CLYBL: variants seen among roughly 807,000 people sequenced by gnomAD.
CLYBL encodes citramalyl-CoA lyase, mitochondrial.
A neutral mutation model predicts 38.9 loss-of-function variants in CLYBL; 31 were observed. That is an observed-to-expected ratio of 0.80 (90% CI 0.60 to 1.08). The LOEUF (loss-of-function observed/expected upper bound fraction) is 1.08. CLYBL is among the 50% of genes least tolerant of loss of function. The pLI is 0.00. For missense variants in CLYBL, 434 were observed against 411.6 expected, an observed-to-expected ratio of 1.05 and a Z score of -0.47; for synonymous variants, 171 against 158.6, an observed-to-expected ratio of 1.08 and a Z score of -0.59.
At chr13:99,864,756 G>A (rs750859903) in intron 4 of CLYBL, 62 bp from the exon 5 acceptor site, 93 of 1,121,674 alleles carry the variant, frequency 8.3e-5, no homozygotes, top group South Asian at 1.4e-4. Context: ...GAAATGCACC[G>A]TGCCTCTTCC....
At chr13:99,735,840 G>C (rs1220001628) in intron 1 of CLYBL, among the ~76,000 whole-genome samples, 4 of 151,974 alleles carry the variant, frequency 2.6e-5, no homozygotes, top group Middle Eastern at 3.4e-3. Flanking sequence ...CTTTATCTTA[G>C]CATACTGTAT....
At chr13:99,704,308 T>C (rs928312961) in intron 1 of CLYBL, among the ~76,000 whole-genome samples, 1 of 152,218 alleles carries the variant, frequency 6.6e-6, no homozygotes, top group Non-Finnish European at 1.5e-5. Flanking sequence ...GACCCAGATA[T>C]AGAGATCTTC....
chr13:99,872,512 C>A (rs1161332147), intron 7 of CLYBL, among the ~76,000 whole-genome samples: 1 of 152,184 alleles, frequency 6.6e-6, no homozygotes, highest in African/African-American at 2.4e-5. Flanking sequence ...TACCTGCCCA[C>A]GCATACCCAC....
At chr13:99,795,978 C>T (rs2050014079) in intron 2 of CLYBL, among the ~76,000 whole-genome samples, 1 of 152,116 alleles carries the variant, frequency 6.6e-6, no homozygotes, top group Admixed American at 6.5e-5. Context: ...GTTTCTCTTT[C>T]CTAGAGCTGT....
chr13:99,769,037 G>A (rs2049329419), intron 1 of CLYBL, among the ~76,000 whole-genome samples: 1 of 152,164 alleles, frequency 6.6e-6, no homozygotes. Context: ...AATAACAGTG[G>A]CTCTCAGCCT....
intron 6 of CLYBL, among the ~76,000 whole-genome samples, chr13:99,867,120 CACAA>C (rs1262702034): frequency 6.6e-6 from 1 of 152,176 alleles, no homozygotes; most frequent in Non-Finnish European, 1.5e-5. Flanking sequence ...GGAGTCTACA[CACAA>C]ACATACACAT....
chr13:99,675,223 T>C (rs1847567708), intron 1 of CLYBL, among the ~76,000 whole-genome samples: 1 of 152,218 alleles, frequency 6.6e-6, no homozygotes, highest in African/African-American at 2.4e-5. Context: ...GCTTTAATAT[T>C]GATGCTGCAT....
Position 99,870,951 on chromosome 13 carries a change from T to TC in CLYBL, c.817dup (p.His273ProfsTer3). ...ATATTCTTGTAGGTAAGCAGGTGAT[T>TC]CACCCTAACCAAATTGCCGTGGTCC... is the stretch of plus-strand genomic sequence containing the variant. On this transcript the variant is annotated frameshift_variant, in exon 7 of 9. Coordinates refer to ENST00000339105, the MANE Select transcript of CLYBL (RefSeq NM_206808.5). LOFTEE classifies it high-confidence loss of function. 6.2e-7 allele frequency: 1 copy of TC among 1,609,856 alleles called. No homozygotes were observed. The highest frequency in any genetic ancestry group is 1.1e-5 in the South Asian group (1 of 90,140).
chr13:99,640,512 T>C (rs1296634867), intron 1 of CLYBL, among the ~76,000 whole-genome samples: 2 of 152,234 alleles, frequency 1.3e-5, no homozygotes, highest in African/African-American at 4.8e-5. Flanking sequence ...TTCCCTGTAG[T>C]GTTCTTTTGA....
rs2047259223 is a variant in CLYBL at position 99,651,918 on chromosome 13, C to T, written c.62+45161C>T. 2.2e-5 allele frequency among the ~76,000 whole-genome samples: 3 copies of T among 136,718 alleles called. No homozygotes were observed. In the Admixed American group the frequency reaches 2.2e-4, roughly 10 times the overall value. 89.7% of individuals were successfully genotyped at this position (136,718 alleles called of 152,430 possible). A position where few individuals can be genotyped will look rare whatever the true frequency, so the allele number is the denominator to read the frequency against. ...TTGCACTCCAGCCTGGGCGACAAAG[C>T]AAGACTCCATCTTGGGGGGAAAAAA... On this transcript the variant is annotated intron_variant, in intron 1 of 8. Transcript: ENST00000339105.
At chr13:99,633,047 C>CT (rs1330755917) in intron 1 of CLYBL, among the ~76,000 whole-genome samples, 1 of 151,854 alleles carries the variant, frequency 6.6e-6, no homozygotes, top group Non-Finnish European at 1.5e-5. Context: ...CATGACCAGA[C>CT]TGGCCAACAT....
chr13:99,831,670 G>C (rs1009046765), intron 2 of CLYBL, among the ~76,000 whole-genome samples: 7 of 150,274 alleles, frequency 4.7e-5, no homozygotes, highest in Non-Finnish European at 1.0e-4. Context: ...TTTTGCCCGT[G>C]TAATAGCTGT....
intron 1 of CLYBL, among the ~76,000 whole-genome samples, chr13:99,669,852 G>A (rs1356269475): frequency 1.3e-5 from 2 of 152,118 alleles, no homozygotes; most frequent in Non-Finnish European, 2.9e-5. Context: ...TATTGTTTTA[G>A]CAAGGGGCCT....
chr13:99,719,656 G>T (rs749156693), intron 1 of CLYBL, among the ~76,000 whole-genome samples: 1 of 151,534 alleles, frequency 6.6e-6, no homozygotes, highest in Non-Finnish European at 1.5e-5. Flanking sequence ...ACAGGTGCCC[G>T]CCACCACACC....
intron 2 of CLYBL, among the ~76,000 whole-genome samples, chr13:99,774,457 T>C (rs2049468294): frequency 6.6e-6 from 1 of 152,168 alleles, no homozygotes; most frequent in South Asian, 2.1e-4. Context: ...ATGAGTTCGC[T>C]TGACCTTTAT....
rs879511503 is a variant in CLYBL, at chr13:99,785,912, AT to A, written c.249+12913del. ...CGCTTGGCAATAATACATTTCTTAA[AT>A]TTTTTTTTTTCTATTTCAGGCATGA... On this transcript the variant is annotated intron_variant, in intron 2 of 8. Transcript: ENST00000339105. Among the ~76,000 whole-genome samples, 219 of 148,414 alleles carry A rather than the reference AT, an allele frequency of 1.5e-3. 1 individual carries two copies. The East Asian group carries it at 0.017, about 12-fold the overall frequency.
At chr13:99,769,531 G>A (rs2049338045) in intron 1 of CLYBL, among the ~76,000 whole-genome samples, 1 of 152,200 alleles carries the variant, frequency 6.6e-6, no homozygotes, top group Non-Finnish European at 1.5e-5. Context: ...AGTCTCCAGT[G>A]TGAATGATAA....
chr13:99,666,599 G>A (rs78554841), intron 1 of CLYBL, among the ~76,000 whole-genome samples: 3,182 of 152,188 alleles, frequency 0.021, 53 homozygotes, highest in Non-Finnish European at 0.032. Context: ...GCCAGCTCCC[G>A]AATCTCTAAC....
At position 99,610,738 on chromosome 13, in the gene CLYBL, T is replaced by G. The variant is rs138294519; in HGVS notation, c.62+3981T>G. On this transcript the variant is annotated intron_variant, in intron 1 of 8. Transcript: ENST00000339105. ...CTTAGCCGGTATACAGCCCTGCACA[T>G]GTGCGTGGCCTCCTAGAGTCTCAGG... Among the ~76,000 whole-genome samples, 127 of 152,276 alleles carry G rather than the reference T, an allele frequency of 8.3e-4. 1 individual carries two copies. The East Asian group carries it at 0.021, about 25-fold the overall frequency.
Sources: gnomAD v4.1 joint callset for allele counts (sites outside exome capture counted in the v4.1 genomes callset) on GRCh38, gnomAD v4.1.1 for gene constraint, MANE v1.5 for transcripts, NCBI Gene and HGNC (gene_info 2026-07-23, HGNC 2026-07-21) for gene names.